EPPIN: variants seen among roughly 807,000 people sequenced by gnomAD.
EPPIN encodes epididymal peptidase inhibitor, also known as WAP four-disulfide core domain protein 7.
Under a neutral mutation model 18.8 loss-of-function variants are expected in EPPIN, and 14 were observed. The ratio of observed to expected loss-of-function variants is 0.75; its 90% CI spans 0.49 to 1.17. EPPIN has a LOEUF of 1.17. Ranked by LOEUF, EPPIN falls within the 50% of genes most tolerant of loss-of-function variation. The pLI is 0.00. For synonymous variants in EPPIN, 57 were observed against 54.8 expected (o/e 1.04, Z -0.18); for missense variants, 143 against 154.2 (o/e 0.93, Z 0.39).
At chr20:45,546,996 C>A (rs1256448122) in intron 1 of EPPIN, among the ~76,000 whole-genome samples, 1 of 152,030 alleles carries the variant, frequency 6.6e-6, no homozygotes, top group African/African-American at 2.4e-5. Context: ...AGCGACTCCC[C>A]TGAAAGCTAG....
Position 45,542,159 on chromosome 20 carries a change from A to C in EPPIN, c.392-5T>G, listed in dbSNP as rs769665974. Reference sequence around the variant, plus strand: ...CCTTATCCAATCAGGGAAAGCCTGCAGAGAACGTAGGACAGAAACAGCTGA... The same window carrying C: ...CCTTATCCAATCAGGGAAAGCCTGCCGAGAACGTAGGACAGAAACAGCTGA... On this transcript the variant is annotated splice_polypyrimidine_tract_variant and splice_region_variant and intron_variant, in intron 3 of 3. Coordinates refer to ENST00000354280, the MANE Select transcript of EPPIN (RefSeq NM_020398.4). The C allele has an allele frequency of 1.9e-6, 3 of 1,613,530 alleles. No homozygotes were observed. The highest frequency in any genetic ancestry group is 1.3e-5 in the African/African-American group (1 of 74,910).
chr20:45,544,550 C>G (rs1979738130), intron 2 of EPPIN: 1 of 152,286 alleles, frequency 6.6e-6, no homozygotes, highest in Admixed American at 6.5e-5. Context: ...GCCCCCTAAC[C>G]TGCCCACTCT....
chr20:45,546,848 G>A (rs1979854032), intron 1 of EPPIN, among the ~76,000 whole-genome samples: 1 of 152,064 alleles, frequency 6.6e-6, no homozygotes, highest in Admixed American at 6.5e-5. Flanking sequence ...TCAAAGTTAG[G>A]GAACCCCTAG....
At chr20:45,542,521 T>C in intron 3 of EPPIN, 179 bp downstream of exon 3, 2 of 903,366 alleles carry the variant, frequency 2.2e-6, no homozygotes, top group Admixed American at 3.0e-5. Context: ...CAGTTCCTCA[T>C]ACTCAGAAAG....
intron 1 of EPPIN, 66 bp from the exon 2 acceptor site, chr20:45,545,836 CA>C (rs1489180817): frequency 2.5e-6 from 4 of 1,588,818 alleles, no homozygotes; most frequent in Non-Finnish European, 3.4e-6. Flanking sequence ...CTTTGCCAGA[CA>C]CAAGGCAATT....
At chr20:45,542,220 T>A (rs1051785371) in intron 3 of EPPIN, 66 bp from the exon 4 acceptor site, 62 of 1,602,658 alleles carry the variant, frequency 3.9e-5, no homozygotes, top group Non-Finnish European at 5.0e-5. Flanking sequence ...GAGCTTGAAG[T>A]TATGTTTATA....
At chr20:45,546,293 T>A (rs984622142) in intron 1 of EPPIN, 2 of 156,912 alleles carry the variant, frequency 1.3e-5, no homozygotes, top group Non-Finnish European at 2.8e-5. Context: ...GCAATTAGTA[T>A]CACTTACCCC....
At chr20:45,542,635 G>T in intron 3 of EPPIN, 65 bp downstream of exon 3, 5 of 1,569,130 alleles carry the variant, frequency 3.2e-6, no homozygotes, top group Non-Finnish European at 4.3e-6. Flanking sequence ...GAATGGACCA[G>T]CCAACACCCA....
In EPPIN at chr20:45,542,074, G is replaced by A. The variant is rs1600874642; in HGVS notation, c.*70C>T. Reference sequence around the variant, plus strand: ...AACTGGAAGCCAGTCTGGAGCATCCGTCAGGTACAGGAACAGTACTCAGAG... The same window carrying A: ...AACTGGAAGCCAGTCTGGAGCATCCATCAGGTACAGGAACAGTACTCAGAG... On this transcript the variant is annotated 3_prime_UTR_variant, in exon 4 of 4. Transcript: ENST00000354280. 14 of 1,593,530 alleles carry A rather than the reference G, an allele frequency of 8.8e-6. No homozygotes were observed. In the South Asian group the frequency reaches 1.4e-4, roughly 15 times the overall value.
chr20:45,542,066 G>A lies in EPPIN; in HGVS notation c.*78C>T. 6.3e-7 allele frequency: 1 copy of A among 1,576,350 alleles called. No individual in the cohort carries two copies. Among genetic ancestry groups the A allele is most frequent in the South Asian group, 1.2e-5 (1 of 86,876 alleles). ...GAGAGTGAAACTGGAAGCCAGTCTG[G>A]AGCATCCGTCAGGTACAGGAACAGT... On this transcript the variant is annotated 3_prime_UTR_variant, in exon 4 of 4. Coordinates refer to ENST00000354280, the MANE Select transcript of EPPIN (RefSeq NM_020398.4).
rs1352217901 is a variant in EPPIN at position 45,542,247 on chromosome 20, G to A, written c.392-93C>T. ...ATGTTTATACATCTTTGCACAGAAAGACACTAAAAAGTAGTGGGTTTGCTT... is the reference window on the plus strand; with the variant it reads ...ATGTTTATACATCTTTGCACAGAAAAACACTAAAAAGTAGTGGGTTTGCTT... On this transcript the variant is annotated intron_variant, in intron 3 of 3. Transcript: ENST00000354280. 16 of 1,543,102 alleles carry A rather than the reference G, an allele frequency of 1.0e-5. No individual in the cohort carries two copies. The East Asian group carries it at 2.8e-4, about 27-fold the overall frequency.
At position 45,545,741 on chromosome 20, in the gene EPPIN, C is replaced by A. The variant is rs553682224; in HGVS notation, c.121G>T (p.Glu41Ter). ...RRCPKIREEC[E>*]FQERDVCTKD... The stretch of plus-strand genomic sequence containing the variant: ...GTACACACATCCCTTTCTTGGAATT[C>A]ACATTCTTCTCTGATTTTGGGACAT... The change falls in exon 2 of 4, where the codon GAA becomes TAA. Residue 41 changes from glutamate (E) to a stop codon, truncating the protein, a stop_gained. Transcript: ENST00000354280. LOFTEE classifies it high-confidence loss of function. 3 of 1,614,026 alleles carry A rather than the reference C, an allele frequency of 1.9e-6. No homozygotes were observed. The highest frequency in any genetic ancestry group is 2.5e-6 in the Non-Finnish European group (3 of 1,179,912).
At chr20:45,546,133 G>A (rs574956833) in intron 1 of EPPIN, 1 of 341,858 alleles carries the variant, frequency 2.9e-6, no homozygotes, top group Non-Finnish European at 5.3e-6. Context: ...ACCCCTGATT[G>A]TAACAACTGA....
chr20:45,542,645 A>C, intron 3 of EPPIN, 55 bp downstream of exon 3: 11 of 1,579,162 alleles, frequency 7.0e-6, no homozygotes, highest in Admixed American at 1.8e-5. Flanking sequence ...GCCAACACCC[A>C]GACCTCCCGG....
At chr20:45,543,913 T>C (rs1979714372) in intron 2 of EPPIN, 1 of 152,496 alleles carries the variant, frequency 6.6e-6, no homozygotes, top group Non-Finnish European at 1.5e-5. Flanking sequence ...GACACTCTTC[T>C]TACTTCAAAA....
chr20:45,544,344 A>G (rs898533479), intron 2 of EPPIN: 2 of 152,182 alleles, frequency 1.3e-5, no homozygotes, highest in Admixed American at 1.3e-4. Context: ...CATAACTCTA[A>G]TCACATCATG....
At chr20:45,545,523 C>T in intron 2 of EPPIN, 116 bp downstream of exon 2, 1 of 1,561,554 alleles carries the variant, frequency 6.4e-7, no homozygotes, top group East Asian at 2.3e-5. Flanking sequence ...TCTCCCAAGT[C>T]CAGCAGTTTT....
At chr20:45,542,555 G>T in intron 3 of EPPIN, 145 bp downstream of exon 3, 1 of 1,242,224 alleles carries the variant, frequency 8.1e-7, no homozygotes, top group Non-Finnish European at 1.1e-6. Context: ...CCTTTTGCCA[G>T]GTGCATTCTT....
intron 1 of EPPIN, 114 bp from the exon 2 acceptor site, chr20:45,545,884 C>T (rs192976045): frequency 6.0e-6 from 9 of 1,504,522 alleles, no homozygotes; most frequent in East Asian, 4.6e-5. Flanking sequence ...AGTTTGCTTG[C>T]CCCCAGGAGT....
Sources: gnomAD v4.1 joint callset for allele counts (sites outside exome capture counted in the v4.1 genomes callset) on GRCh38, gnomAD v4.1.1 for gene constraint, MANE v1.5 for transcripts, NCBI Gene and HGNC (gene_info 2026-07-23, HGNC 2026-07-21) for gene names.